PALB2: variants seen among roughly 807,000 people sequenced by gnomAD.
PALB2 encodes the protein mutant partner and localizer of BRCA2.
A neutral mutation model predicts 107.4 loss-of-function variants in PALB2; 82 were observed. The observed-to-expected ratio is 0.76, with a 90% CI of 0.64 to 0.92. PALB2 has a LOEUF of 0.92. PALB2 is among the 40% of genes least tolerant of loss of function. The probability of loss-of-function intolerance (pLI) is 0.00; values close to 1 mark genes in which losing one functional copy is unlikely to be tolerated. For missense variants in PALB2, 1,374 were observed against 1,379.9 expected, an observed-to-expected ratio of 1.00 and a Z score of 0.07; for synonymous variants, 489 against 496.8, an observed-to-expected ratio of 0.98 and a Z score of 0.21.
At position 23,638,251 on chromosome 16, in the gene PALB2, C is replaced by T. The variant is rs79434692; in HGVS notation, c.49-122G>A. ...GGGAGTAGCACTGGTCCATAACAAT[C>T]TACTTTTGGTTCTCAAAAAGCACCA... On this transcript the variant is annotated intron_variant, in intron 1 of 12. Transcript: ENST00000261584. 2.3e-4 allele frequency: 186 copies of T among 795,778 alleles called. No individual in the cohort carries two copies. In the East Asian group the frequency reaches 4.1e-3, roughly 17 times the overall value. The allele number at this position is 795,778 out of a possible 1,614,324, so 49.3% of individuals were successfully genotyped here.
chr16:23,617,104 C>T (rs941521431), intron 10 of PALB2, among the ~76,000 whole-genome samples: 3 of 152,094 alleles, frequency 2.0e-5, no homozygotes, highest in African/African-American at 7.2e-5. Flanking sequence ...CGTGAGCCAC[C>T]GTGCCCGGCC....
chr16:23,624,280 T>G (rs1966830659), intron 7 of PALB2, among the ~76,000 whole-genome samples, 186 bp from the exon 8 acceptor site: 2 of 152,260 alleles, frequency 1.3e-5, no homozygotes, highest in Admixed American at 6.5e-5. Flanking sequence ...AATAGCATAA[T>G]AGTGCTTACT....
At chr16:23,608,150 G>T in intron 11 of PALB2, 138 bp from the exon 12 acceptor site, 2 of 954,840 alleles carry the variant, frequency 2.1e-6, no homozygotes, top group South Asian at 1.5e-5. Flanking sequence ...TTAACCACTG[G>T]CTTGATTTTT....
At position 23,636,317 on chromosome 16, in the gene PALB2, A is replaced by G. The variant is rs760045493; in HGVS notation, c.229T>C (p.Cys77Arg). Reference protein sequence around the residue: ...LKHSEPKNKICVYDKLHIKTH... With the variant: ...LKHSEPKNKIRVYDKLHIKTH... The stretch of plus-strand genomic sequence containing the variant: ...TTGATGTGTAACTTGTCATAAACAC[A>G]TATTTTATTTTTAGGTTCTGAGGAG... The change falls in exon 4 of 13, where the codon TGT (cysteine) becomes CGT (arginine). Residue 77 changes from cysteine to arginine, a missense_variant. Physicochemically the swap from Cys to Arg is radical, Grantham distance 180. Transcript: ENST00000261584. 1.4e-5 allele frequency: 22 copies of G among 1,609,282 alleles called. No homozygotes were observed. The highest frequency in any genetic ancestry group is 1.3e-4 in the Admixed American group (8 of 59,522).
rs786201907 is a variant in PALB2, at chr16:23,630,308, C to T, written c.1846G>A (p.Asp616Asn). Residue 616 changes from aspartate (D) to asparagine (N), a missense_variant, in exon 5 of 13, where the codon GAT becomes AAT. By Grantham distance (23) the Asp-to-Asn change is conservative. Transcript: ENST00000261584. Reference sequence around the variant, plus strand: ...AGCTTAAGAGGTCCAAAGTCTTCATCAGGTAACTGAAAGTCTGTGATACTG... The same window carrying T: ...AGCTTAAGAGGTCCAAAGTCTTCATTAGGTAACTGAAAGTCTGTGATACTG... ...FLSITDFQLP[D>N]EDFGPLKLEK... The T allele has an allele frequency of 6.2e-7, 1 of 1,614,194 alleles. No homozygotes were observed. The highest frequency in any genetic ancestry group is 1.1e-5 in the South Asian group (1 of 91,080).
At chr16:23,626,185 T>C (rs2142352355) in intron 7 of PALB2, 51 bp downstream of exon 7, 6 of 1,610,484 alleles carry the variant, frequency 3.7e-6, no homozygotes, top group Non-Finnish European at 5.1e-6. Context: ...CCATCTACAT[T>C]ATCAGGCAAA....
Position 23,637,957 on chromosome 16 carries a change from A to G in PALB2, c.109-5T>C, listed in dbSNP as rs749299119. On this transcript the variant is annotated splice_region_variant and splice_polypyrimidine_tract_variant and intron_variant, in intron 2 of 12. Transcript: ENST00000261584. ...CTTTTCAGCTCTTTGGGCACGCTAG[A>G]GGAGACAAAAACAGCCCCAGAAATA... The G allele has an allele frequency of 1.9e-6, 3 of 1,612,552 alleles. No individual in the cohort carries two copies. Among genetic ancestry groups the G allele is most frequent in the Non-Finnish European group, 8.5e-7 (1 of 1,178,676 alleles).
intron 9 of PALB2, 112 bp downstream of exon 9, chr16:23,622,857 T>C (rs1327064288): frequency 8.2e-7 from 1 of 1,223,244 alleles, no homozygotes; most frequent in Non-Finnish European, 1.2e-6. Flanking sequence ...TACATGCTTA[T>C]ATTACACCCC....
At chr16:23,618,533 A>G (rs1966721461) in intron 10 of PALB2, among the ~76,000 whole-genome samples, 1 of 152,086 alleles carries the variant, frequency 6.6e-6, no homozygotes, top group Non-Finnish European at 1.5e-5. Context: ...CTTTTGAGGG[A>G]TGAGGGTAGA....
chr16:23,623,331 T>C (rs1966809825), intron 8 of PALB2, among the ~76,000 whole-genome samples: 1 of 150,778 alleles, frequency 6.6e-6, no homozygotes. Context: ...GCCTCCTGAG[T>C]AGCTGGGATT....
rs1487464281 is a variant in PALB2, at chr16:23,615,401, C to A, written c.3114-1310G>T. 2.6e-5 allele frequency among the ~76,000 whole-genome samples: 4 copies of A among 151,956 alleles called. No homozygotes were observed. In the East Asian group the frequency reaches 7.7e-4, roughly 29 times the overall value. ...CTCACCGTAGCCTTGACCTCTGAGG[C>A]TCAAGCGATCCTCCCACCTCACTGC... On this transcript the variant is annotated intron_variant, in intron 10 of 12. Transcript: ENST00000261584.
At chr16:23,628,657 T>G (rs1334315830) in intron 6 of PALB2, among the ~76,000 whole-genome samples, 2 of 152,212 alleles carry the variant, frequency 1.3e-5, no homozygotes, top group Non-Finnish European at 2.9e-5. Flanking sequence ...ATTTTATTTT[T>G]GAGACAGAGT....
In PALB2 at chr16:23,607,917, C is replaced by G. The variant is rs45565738; in HGVS notation, c.3297G>C (p.Thr1099=). 6.2e-7 allele frequency: 1 copy of G among 1,614,070 alleles called. No homozygotes were observed. The highest frequency in any genetic ancestry group is 2.2e-5 in the East Asian group (1 of 44,882). The change falls in exon 12 of 13, where the codon ACG becomes ACC. Residue 1099 remains threonine (T), a synonymous_variant. Coordinates refer to ENST00000261584, the MANE Select transcript of PALB2 (RefSeq NM_024675.4). Reference sequence around the variant, plus strand: ...ACAGCATCACACCCACGCTGAGAGTCGTCTTAGGGTTAATCACAATGAGCT... The same window carrying G: ...ACAGCATCACACCCACGCTGAGAGTGGTCTTAGGGTTAATCACAATGAGCT... The part of the protein sequence containing the change: ...VFQLIVINPK[T]TLSVGVMLYC...
intron 11 of PALB2, among the ~76,000 whole-genome samples, chr16:23,608,795 T>TACACACACACACACACACACACAC (rs1421547760): frequency 8.8e-6 from 1 of 113,250 alleles, no homozygotes; most frequent in African/African-American, 3.4e-5. Context: ...TATGTGTGTA[T>TACACACACACACACACACACACAC]ATATATACAC....
chr16:23,622,219 C>A (rs756604387), intron 9 of PALB2, among the ~76,000 whole-genome samples: 3 of 152,088 alleles, frequency 2.0e-5, no homozygotes, highest in Non-Finnish European at 4.4e-5. Context: ...GTCCCCAATA[C>A]GTCTAATAAA....
intron 10 of PALB2, among the ~76,000 whole-genome samples, chr16:23,619,775 TTAAAAAA>T (rs1448377990): frequency 2.0e-5 from 3 of 152,046 alleles, no homozygotes. Context: ...CTATTGACTT[TTAAAAAA>T]TTATTATTTT....
Position 23,635,001 on chromosome 16 carries a change from T to C in PALB2, c.1545A>G (p.Lys515=), listed in dbSNP as rs368503108. The part of the protein sequence containing the change: ...AQAPGRRYTG[K]RKSACTPASD... ...ATGCTGGGGTGCAGGCTGATTTTCT[T>C]TTTCCTGTGTATCTTCTACCAGGTG... Residue 515 remains lysine, a synonymous_variant, in exon 4 of 13, where the codon AAA becomes AAG. Transcript: ENST00000261584. The C allele has an allele frequency of 1.2e-6, 2 of 1,614,070 alleles. No homozygotes were observed. Among genetic ancestry groups the C allele is most frequent in the African/African-American group, 2.7e-5 (2 of 74,920 alleles).
intron 6 of PALB2, among the ~76,000 whole-genome samples, chr16:23,626,944 G>A (rs1412927433): frequency 6.6e-6 from 1 of 151,822 alleles, no homozygotes; most frequent in Non-Finnish European, 1.5e-5. Flanking sequence ...AAAATGTATA[G>A]TCCAGATGGA....
intron 10 of PALB2, among the ~76,000 whole-genome samples, chr16:23,616,567 C>G (rs1297093906): frequency 6.6e-6 from 1 of 152,050 alleles, no homozygotes; most frequent in Admixed American, 6.6e-5. Context: ...ATGGTAAAGG[C>G]ATCTTATTTA....
Sources: gnomAD v4.1 joint callset for allele counts (sites outside exome capture counted in the v4.1 genomes callset) on GRCh38, gnomAD v4.1.1 for gene constraint, MANE v1.5 for transcripts, NCBI Gene and HGNC (gene_info 2026-07-23, HGNC 2026-07-21) for gene names.